Variants in P3H2 observed in about 807,000 individuals in gnomAD.
P3H2 encodes the protein prolyl 3-hydroxylase 2.
A neutral mutation model predicts 87.0 loss-of-function variants in P3H2; 80 were observed. That is an observed-to-expected ratio of 0.92 (90% CI 0.77 to 1.11). The LOEUF is 1.11. P3H2 is among the 50% of genes least tolerant of loss of function. The pLI, the probability that P3H2 is intolerant of heterozygous loss-of-function variation, is 0.00. For missense variants in P3H2, 1,001 were observed against 923.9 expected, an observed-to-expected ratio of 1.08 and a Z score of -1.08; for synonymous variants, 367 against 359.3, an observed-to-expected ratio of 1.02 and a Z score of -0.24.
intron 1 of P3H2, among the ~76,000 whole-genome samples, chr3:190,020,542 C>A (rs1724901697): frequency 7.5e-6 from 1 of 134,208 alleles, no homozygotes; most frequent in Non-Finnish European, 1.7e-5. Context: ...TTTTTTATGG[C>A]TCAATAGGCC....
In P3H2 at chr3:189,974,507, G is replaced by A. The variant is rs76299092; in HGVS notation, c.1452+51C>T. The A allele has an allele frequency of 5.2e-4, 846 of 1,611,516 alleles. 3 individuals carry two copies. In the African/African-American group the frequency reaches 0.01, roughly 19 times the overall value. On this transcript the variant is annotated intron_variant, in intron 9 of 14. Transcript: ENST00000319332. ...TGAGACCAGGACCAAAGCAGTTCCA[G>A]CTTCTTGGCAGGCCAGCGCAGTGAG...
At chr3:190,031,689 T>C (rs116582196) in intron 1 of P3H2, among the ~76,000 whole-genome samples, 3,084 of 152,200 alleles carry the variant, frequency 0.02, 46 homozygotes, top group Middle Eastern at 0.061. Context: ...CAAAGATCTT[T>C]TCTAACTTTT....
intron 1 of P3H2, chr3:190,116,440 A>G (rs897232852): frequency 1.3e-5 from 2 of 152,330 alleles, no homozygotes; most frequent in African/African-American, 4.8e-5. Flanking sequence ...ATTTGCTGAC[A>G]GTCACACAGA....
chr3:189,976,539 G>T (rs1284158500), intron 8 of P3H2, among the ~76,000 whole-genome samples: 1 of 152,100 alleles, frequency 6.6e-6, no homozygotes, highest in African/African-American at 2.4e-5. Context: ...TGACATATGG[G>T]GATTATTACA....
intron 1 of P3H2, among the ~76,000 whole-genome samples, chr3:190,097,808 G>A (rs935428673): frequency 2.0e-5 from 3 of 151,956 alleles, no homozygotes; most frequent in Non-Finnish European, 2.9e-5. Flanking sequence ...CCCCACCCCC[G>A]CAGGATAAAG....
intron 1 of P3H2, among the ~76,000 whole-genome samples, chr3:190,017,882 G>A (rs1262859980): frequency 6.6e-6 from 1 of 152,176 alleles, no homozygotes; most frequent in African/African-American, 2.4e-5. Context: ...GTGCTTCAAT[G>A]GCAAAGAGAA....
chr3:190,094,316 A>G (rs529844027), intron 1 of P3H2, among the ~76,000 whole-genome samples: 26 of 152,362 alleles, frequency 1.7e-4, no homozygotes, highest in African/African-American at 5.0e-4. Context: ...AGCTTTCTTT[A>G]GTATTTCAAC....
chr3:190,031,745 C>CAA (rs3062146), intron 1 of P3H2, among the ~76,000 whole-genome samples: 6,109 of 150,690 alleles, frequency 0.041, 354 homozygotes, highest in African/African-American at 0.13. Flanking sequence ...GATAAATTTG[C>CAA]AAAAAAAATG....
At chr3:190,045,229 T>A (rs1725763186) in intron 1 of P3H2, among the ~76,000 whole-genome samples, 1 of 152,222 alleles carries the variant, frequency 6.6e-6, no homozygotes, top group Non-Finnish European at 1.5e-5. Context: ...CCAGATCATC[T>A]AAGCCATTGT....
At position 189,972,263 on chromosome 3, in the gene P3H2, A is replaced by T. The variant is rs1723199086; in HGVS notation, c.1700-256T>A. Among the ~76,000 whole-genome samples the T allele has an allele frequency of 2.0e-5, 3 of 152,348 alleles. No individual in the cohort carries two copies. The South Asian group carries it at 6.2e-4, about 32-fold the overall frequency. On this transcript the variant is annotated intron_variant, in intron 11 of 14. Transcript: ENST00000319332. ...AAAGTTATTTCTGATATAAACATAC[A>T]TGAACAAATTCCATGCGTTTCATGG... is the stretch of plus-strand genomic sequence containing the variant.
intron 1 of P3H2, among the ~76,000 whole-genome samples, chr3:190,044,796 G>A (rs1383698748): frequency 6.6e-6 from 1 of 152,158 alleles, no homozygotes; most frequent in African/African-American, 2.4e-5. Flanking sequence ...TAAATGTCAG[G>A]TAAGGCTATT....
chr3:190,103,001 GTAT>G (rs1301770092), intron 1 of P3H2, among the ~76,000 whole-genome samples: 2 of 152,118 alleles, frequency 1.3e-5, no homozygotes, highest in Non-Finnish European at 2.9e-5. Context: ...TAGCAATAAA[GTAT>G]TTTTTAAAAT....
chr3:190,109,498 T>G (rs1257880241), intron 1 of P3H2, among the ~76,000 whole-genome samples: 3 of 152,192 alleles, frequency 2.0e-5, no homozygotes, highest in Non-Finnish European at 2.9e-5. Context: ...ACAAGGTGAA[T>G]GAGAAATATA....
At chr3:189,991,685 AAGC>A (rs1723881626) in intron 3 of P3H2, among the ~76,000 whole-genome samples, 1 of 152,240 alleles carries the variant, frequency 6.6e-6, no homozygotes, top group South Asian at 2.1e-4. Context: ...AGGAATCAAA[AAGC>A]AGGAGAGAGA....
intron 8 of P3H2, among the ~76,000 whole-genome samples, chr3:189,977,075 C>G (rs764597097): frequency 6.6e-6 from 1 of 152,130 alleles, no homozygotes; most frequent in Non-Finnish European, 1.5e-5. Flanking sequence ...TCTCCCTCCC[C>G]GACTCCCCCA....
At chr3:190,097,513 T>A (rs77699357) in intron 1 of P3H2, among the ~76,000 whole-genome samples, 6 of 152,150 alleles carry the variant, frequency 3.9e-5, no homozygotes, top group Non-Finnish European at 8.8e-5. Context: ...CCCCACATAC[T>A]GTGCTCTGGG....
chr3:189,979,891 C>T lies in P3H2; in HGVS notation c.1324+3155G>A, dbSNP rs554721683. Among the ~76,000 whole-genome samples the T allele has an allele frequency of 2.0e-5, 3 of 152,154 alleles. No homozygotes were observed. In the South Asian group the frequency reaches 6.2e-4, roughly 32 times the overall value. On this transcript the variant is annotated intron_variant, in intron 8 of 14. Transcript: ENST00000319332. ...GCTGAGACAGGAGAATCACTGGAAT[C>T]CAGGAGGCAGAGATTGCAGTGAGCT...
intron 1 of P3H2, among the ~76,000 whole-genome samples, chr3:189,998,099 A>G (rs1724104049): frequency 6.6e-6 from 1 of 152,222 alleles, no homozygotes; most frequent in Non-Finnish European, 1.5e-5. Context: ...ATAATAGCAT[A>G]CAATATATAA....
rs536394980 is a variant in P3H2, at chr3:190,072,115, G to C, written c.480+48137C>G. On this transcript the variant is annotated intron_variant, in intron 1 of 14. Coordinates refer to ENST00000319332, the MANE Select transcript of P3H2 (RefSeq NM_018192.4). ...AGCTTTCTGCATAGCTGGGATTACA[G>C]GCATGATTACAGTGATTCTCCTGTC... is the stretch of plus-strand genomic sequence containing the variant. Among the ~76,000 whole-genome samples, 16 of 151,644 alleles carry C rather than the reference G, an allele frequency of 1.1e-4. No individual in the cohort carries two copies. In the South Asian group the frequency reaches 2.5e-3, roughly 24 times the overall value.
Sources: gnomAD v4.1 joint callset for allele counts (sites outside exome capture counted in the v4.1 genomes callset) on GRCh38, gnomAD v4.1.1 for gene constraint, MANE v1.5 for transcripts, NCBI Gene and HGNC (gene_info 2026-07-23, HGNC 2026-07-21) for gene names.